Variants in CLASP2 observed in about 807,000 individuals in gnomAD.
The protein encoded by CLASP2 is CLIP-associating protein 2.
In CLASP2, 47 loss-of-function variants were observed where a neutral mutation model predicts 194.4. The observed-to-expected ratio is 0.24, with a 90% CI of 0.19 to 0.31. The LOEUF is 0.31. CLASP2 is among the 10% of genes least tolerant of loss of function. The pLI is 1.00. For missense variants in CLASP2, 1,445 were observed against 1,823.6 expected (o/e 0.79, Z 3.78); for synonymous variants, 619 against 633.5 (o/e 0.98, Z 0.34).
At chr3:33,602,426 G>A (rs969982243) in intron 18 of CLASP2, 11 of 675,548 alleles carry the variant, frequency 1.6e-5, no homozygotes, top group Non-Finnish European at 2.4e-5. Flanking sequence ...GAAAAAAATG[G>A]AAGCATGAAG....
In CLASP2 at chr3:33,717,833, C is replaced by A; in HGVS notation, c.170G>T (p.Gly57Val). 1.9e-6 allele frequency: 3 copies of A among 1,562,956 alleles called. No individual in the cohort carries two copies. The highest frequency in any genetic ancestry group is 1.2e-5 in the South Asian group (1 of 84,884). Residue 57 changes from glycine to valine, a missense_variant, in exon 1 of 39, where the codon GGC becomes GTC. Gly to Val is a moderately radical substitution (Grantham distance 109, BLOSUM62 -3). Transcript: ENST00000682230. ...CCGGTAGTTGCTCGAACCCACCCAG[C>A]CGGTGAGCGCGTCGACTGTCTTGCC... is the stretch of plus-strand genomic sequence containing the variant. ...RLGKTVDALTGWVGSSNYRVS... is the reference protein window; with the variant it reads ...RLGKTVDALTVWVGSSNYRVS...
intron 7 of CLASP2, among the ~76,000 whole-genome samples, chr3:33,660,669 G>C (rs1409599709): frequency 1.3e-5 from 2 of 152,266 alleles, no homozygotes; most frequent in East Asian, 3.9e-4. Context: ...GAACAAATTT[G>C]AATTGCGTGC....
At chr3:33,652,015 A>G (rs970934047) in intron 7 of CLASP2, among the ~76,000 whole-genome samples, 8 of 152,148 alleles carry the variant, frequency 5.3e-5, no homozygotes, top group African/African-American at 1.9e-4. Flanking sequence ...TGCTTCTCAA[A>G]TTCATATAAA....
intron 2 of CLASP2, among the ~76,000 whole-genome samples, chr3:33,694,843 A>C (rs1263804906): frequency 3.3e-5 from 5 of 152,068 alleles, no homozygotes; most frequent in Admixed American, 2.0e-4. Flanking sequence ...CAGGAGGCTG[A>C]GGTGGGAGGA....
rs777731757 is a variant in CLASP2 at position 33,606,633 on chromosome 3, G to A, written c.1652C>T (p.Pro551Leu). The change falls in exon 16 of 39, where the codon CCA becomes CTA. Residue 551 changes from proline to leucine, a missense_variant. This residue lies in a region of CLASP2 where 174 missense variants were observed against 179.0 expected (regional missense o/e 0.97). Transcript: ENST00000682230. Reference protein sequence around the residue: ...LKSSGSVASLPQSDRSSSSSQ... With the variant: ...LKSSGSVASLLQSDRSSSSSQ... ...GCTGGATGAGGACCTGTCTGATTGT[G>A]GAAGAGATGCTACACTGCCAGAACT... The A allele has an allele frequency of 3.1e-6, 5 of 1,613,630 alleles. No homozygotes were observed. The highest frequency in any genetic ancestry group is 4.5e-5 in the East Asian group (2 of 44,860).
chr3:33,688,852 G>T (rs192184495), intron 3 of CLASP2, among the ~76,000 whole-genome samples: 2 of 151,916 alleles, frequency 1.3e-5, no homozygotes, highest in Non-Finnish European at 2.9e-5. Flanking sequence ...ATTCAGAGAC[G>T]TATTTGGGCA....
chr3:33,598,998 TAAG>T (rs1242471633), intron 18 of CLASP2, among the ~76,000 whole-genome samples: 1 of 152,214 alleles, frequency 6.6e-6, no homozygotes, highest in Non-Finnish European at 1.5e-5. Flanking sequence ...GCAACTGCTT[TAAG>T]AAGGAATGCT....
At chr3:33,692,451 T>C (rs902052146) in intron 2 of CLASP2, among the ~76,000 whole-genome samples, 4 of 152,178 alleles carry the variant, frequency 2.6e-5, no homozygotes, top group African/African-American at 9.7e-5. Context: ...TTACATAAAA[T>C]TATTACAGCT....
intron 17 of CLASP2, among the ~76,000 whole-genome samples, chr3:33,603,453 G>C (rs925909937): frequency 6.6e-6 from 1 of 152,118 alleles, no homozygotes; most frequent in Non-Finnish European, 1.5e-5. Flanking sequence ...AGGAAGCACT[G>C]TACAAGATAA....
At chr3:33,562,737 C>G (rs1468602025) in intron 27 of CLASP2, among the ~76,000 whole-genome samples, 1 of 152,188 alleles carries the variant, frequency 6.6e-6, no homozygotes, top group East Asian at 1.9e-4. Flanking sequence ...ATATGAAAAT[C>G]CATTCTGAAA....
chr3:33,542,420 C>T (rs1465441423), intron 32 of CLASP2, among the ~76,000 whole-genome samples: 1 of 146,366 alleles, frequency 6.8e-6, no homozygotes, highest in South Asian at 2.2e-4. Flanking sequence ...AAAAATTAAG[C>T]TTACAGACAA....
At chr3:33,617,952 T>A (rs2076473933) in intron 12 of CLASP2, among the ~76,000 whole-genome samples, 1 of 77,470 alleles carries the variant, frequency 1.3e-5, no homozygotes, top group African/African-American at 6.8e-5. Flanking sequence ...TATATATATA[T>A]TTTTTTTTTT....
intron 30 of CLASP2, among the ~76,000 whole-genome samples, chr3:33,549,653 G>A (rs2059679473): frequency 6.6e-6 from 1 of 151,964 alleles, no homozygotes; most frequent in Non-Finnish European, 1.5e-5. Flanking sequence ...TCCTAGTGTA[G>A]TTGAGAAGAA....
At chr3:33,591,622 T>C (rs1204197952) in intron 21 of CLASP2, among the ~76,000 whole-genome samples, 2 of 152,180 alleles carry the variant, frequency 1.3e-5, no homozygotes, top group Non-Finnish European at 2.9e-5. Flanking sequence ...CATTCATAAA[T>C]AAATACTTTT....
At chr3:33,624,809 T>C (rs1026567200) in intron 10 of CLASP2, among the ~76,000 whole-genome samples, 1 of 152,216 alleles carries the variant, frequency 6.6e-6, no homozygotes, top group Non-Finnish European at 1.5e-5. Flanking sequence ...GGGAGACTAT[T>C]GTAACCTGTG....
chr3:33,662,999 T>C (rs531044328), intron 7 of CLASP2, among the ~76,000 whole-genome samples: 1 of 152,186 alleles, frequency 6.6e-6, no homozygotes, highest in South Asian at 2.1e-4. Flanking sequence ...TATGAGTCTC[T>C]TGATCAGTTA....
At chr3:33,631,868 A>G (rs977584126) in intron 9 of CLASP2, among the ~76,000 whole-genome samples, 1 of 152,030 alleles carries the variant, frequency 6.6e-6, no homozygotes. Flanking sequence ...AAAAGCACTG[A>G]GTAAAAAGTC....
At chr3:33,689,986 A>G in intron 2 of CLASP2, 54 bp from the exon 3 acceptor site, 1 of 1,175,738 alleles carries the variant, frequency 8.5e-7, no homozygotes, top group Non-Finnish European at 1.2e-6. Flanking sequence ...TCTCCATTAA[A>G]AACTATATTT....
chr3:33,629,109 G>A (rs910657233), intron 9 of CLASP2, among the ~76,000 whole-genome samples: 3 of 152,096 alleles, frequency 2.0e-5, no homozygotes. Flanking sequence ...AGAAAGAAGT[G>A]GGATGAAGTG....
Sources: allele counts gnomAD v4.1 joint callset (sites outside exome capture counted in the v4.1 genomes callset), GRCh38; gene constraint gnomAD v4.1.1; regional missense constraint gnomAD v4.1.1; transcripts MANE v1.5; gene names NCBI Gene and HGNC (gene_info 2026-07-23, HGNC 2026-07-21).